The following CARMIL1 variants were observed in gnomAD, a reference collection of about 807,000 sequenced individuals.
CARMIL1 encodes F-actin-uncapping protein LRRC16A.
Under a neutral mutation model 177.1 loss-of-function variants are expected in CARMIL1, and 90 were observed. The observed-to-expected ratio is 0.51, with a 90% CI of 0.43 to 0.61. The LOEUF is 0.61. CARMIL1 is among the 20% of genes least tolerant of loss of function. The pLI, the probability that CARMIL1 is intolerant of heterozygous loss-of-function variation, is 0.00. For synonymous variants in CARMIL1, 577 were observed against 606.2 expected (o/e 0.95, Z 0.71); for missense variants, 1,380 against 1,667.0 (o/e 0.83, Z 3.00).
intron 2 of CARMIL1, among the ~76,000 whole-genome samples, chr6:25,408,152 G>T (rs1193805596): frequency 1.3e-5 from 2 of 152,048 alleles, no homozygotes; most frequent in African/African-American, 4.8e-5. Flanking sequence ...TTACCTGGGT[G>T]TGGTGGCTTG....
chr6:25,389,065 C>T (rs1562071838), intron 2 of CARMIL1: 1 of 152,382 alleles, frequency 6.6e-6, no homozygotes, highest in East Asian at 1.9e-4. Flanking sequence ...TGGGGATTTC[C>T]TGCCTCCACT....
At chr6:25,574,698 G>A (rs377297212) in intron 29 of CARMIL1, among the ~76,000 whole-genome samples, 3 of 152,168 alleles carry the variant, frequency 2.0e-5, no homozygotes, top group South Asian at 2.1e-4. Context: ...ATCGTACCAC[G>A]TGTATCTTTT....
At position 25,361,745 on chromosome 6, in the gene CARMIL1, A is replaced by G. The variant is rs573024248; in HGVS notation, c.139-58369A>G. Among the ~76,000 whole-genome samples, 66 of 152,282 alleles carry G rather than the reference A, an allele frequency of 4.3e-4. 1 individual carries two copies. The highest frequency in any genetic ancestry group is 6.8e-4 in the Non-Finnish European group (46 of 68,034). On this transcript the variant is annotated intron_variant, in intron 2 of 36. Coordinates refer to ENST00000329474, the MANE Select transcript of CARMIL1 (RefSeq NM_017640.6). ...GCCTGTGGGATGTAATAAGGGTTAAATAAGGTCATCAGGGGGGTTCCCATT... is the reference window on the plus strand; with the variant it reads ...GCCTGTGGGATGTAATAAGGGTTAAGTAAGGTCATCAGGGGGGTTCCCATT...
intron 2 of CARMIL1, among the ~76,000 whole-genome samples, chr6:25,349,854 G>A (rs982978534): frequency 2.0e-5 from 3 of 151,124 alleles, no homozygotes; most frequent in African/African-American, 4.9e-5. Flanking sequence ...TCAGGCTCCC[G>A]AGTAGCTGGG....
chr6:25,384,829 G>A (rs961538258), intron 2 of CARMIL1, among the ~76,000 whole-genome samples: 8 of 152,196 alleles, frequency 5.3e-5, no homozygotes, highest in Non-Finnish European at 8.8e-5. Flanking sequence ...TGTTCAAGCC[G>A]CTTAAATTTG....
intron 17 of CARMIL1, among the ~76,000 whole-genome samples, chr6:25,508,782 T>G (rs1485244338): frequency 6.6e-6 from 1 of 151,916 alleles, no homozygotes; most frequent in African/African-American, 2.4e-5. Flanking sequence ...CCTCATTAGA[T>G]AGTAAGTTTA....
At chr6:25,529,451 G>T (rs190997231) in intron 24 of CARMIL1, among the ~76,000 whole-genome samples, 11 of 152,262 alleles carry the variant, frequency 7.2e-5, no homozygotes, top group Admixed American at 5.2e-4. Flanking sequence ...TTAAAAAAAT[G>T]TGAAATATTT....
At chr6:25,291,818 G>A (rs908664491) in intron 2 of CARMIL1, among the ~76,000 whole-genome samples, 1 of 152,138 alleles carries the variant, frequency 6.6e-6, no homozygotes, top group South Asian at 2.1e-4. Context: ...CTGGTTGCAT[G>A]GAATAGAGAG....
At chr6:25,582,138 C>T (rs1054373661) in intron 31 of CARMIL1, among the ~76,000 whole-genome samples, 4 of 152,216 alleles carry the variant, frequency 2.6e-5, no homozygotes, top group Admixed American at 6.5e-5. Flanking sequence ...CCAAAATCTT[C>T]CTTCTATATC....
chr6:25,347,480 T>C (rs1035744584), intron 2 of CARMIL1, among the ~76,000 whole-genome samples: 2 of 152,200 alleles, frequency 1.3e-5, no homozygotes, highest in African/African-American at 4.8e-5. Context: ...TTAACCAGAG[T>C]GAAGAAGATT....
At chr6:25,500,538 C>A (rs1804206661) in intron 17 of CARMIL1, among the ~76,000 whole-genome samples, 1 of 151,928 alleles carries the variant, frequency 6.6e-6, no homozygotes, top group African/African-American at 2.4e-5. Flanking sequence ...ACTTGCTTTG[C>A]CGTCATGAAA....
chr6:25,380,781 A>G (rs1791444917), intron 2 of CARMIL1, among the ~76,000 whole-genome samples: 1 of 152,184 alleles, frequency 6.6e-6, no homozygotes, highest in Admixed American at 6.5e-5. Flanking sequence ...GAAATTTACA[A>G]ATAACTTAGA....
At chr6:25,563,915 A>G in intron 29 of CARMIL1, 1 of 973,954 alleles carries the variant, frequency 1.0e-6, no homozygotes, top group Non-Finnish European at 1.2e-6. Context: ...TTTGGTAACA[A>G]CCCACTAGTG....
intron 24 of CARMIL1, 96 bp downstream of exon 24, chr6:25,528,989 A>G (rs1807448964): frequency 3.4e-6 from 3 of 889,840 alleles, no homozygotes; most frequent in Non-Finnish European, 5.2e-6. Flanking sequence ...CAATGGGTCA[A>G]TAAGAACTAG....
intron 2 of CARMIL1, among the ~76,000 whole-genome samples, chr6:25,348,806 A>C (rs376278275): frequency 2.6e-5 from 4 of 152,124 alleles, no homozygotes; most frequent in African/African-American, 9.7e-5. Flanking sequence ...AAAAATAAAA[A>C]AATGAAAACA....
At chr6:25,387,714 T>G (rs1008588230) in intron 2 of CARMIL1, among the ~76,000 whole-genome samples, 6 of 152,236 alleles carry the variant, frequency 3.9e-5, no homozygotes, top group African/African-American at 1.4e-4. Flanking sequence ...GTGCTTTGTT[T>G]TTTGGTTGCA....
chr6:25,505,733 A>G (rs186909240), intron 17 of CARMIL1, among the ~76,000 whole-genome samples: 3 of 152,296 alleles, frequency 2.0e-5, no homozygotes, highest in African/African-American at 7.2e-5. Flanking sequence ...GATTACAGGT[A>G]TGAGCTACTA....
chr6:25,544,598 T>C (rs1809245769), intron 26 of CARMIL1, among the ~76,000 whole-genome samples: 2 of 138,584 alleles, frequency 1.4e-5, no homozygotes, highest in Admixed American at 1.5e-4. Context: ...CATTTACTGT[T>C]ACTAGACTAC....
chr6:25,552,692 T>C (rs1810228214), intron 27 of CARMIL1, among the ~76,000 whole-genome samples: 1 of 152,188 alleles, frequency 6.6e-6, no homozygotes, highest in African/African-American at 2.4e-5. Flanking sequence ...ATTGCGTTTT[T>C]AAGACTCTAT....
Sources: gnomAD v4.1 joint callset for allele counts (sites outside exome capture counted in the v4.1 genomes callset) on GRCh38, gnomAD v4.1.1 for gene constraint, MANE v1.5 for transcripts, NCBI Gene and HGNC (gene_info 2026-07-23, HGNC 2026-07-21) for gene names.